CCDC6: variants seen among roughly 807,000 people sequenced by gnomAD.
CCDC6 encodes coiled-coil domain-containing protein 6.
In CCDC6, 20 loss-of-function variants were observed where a neutral mutation model predicts 56.6. The ratio of observed to expected loss-of-function variants is 0.35; its 90% CI spans 0.25 to 0.51. The LOEUF (loss-of-function observed/expected upper bound fraction) is 0.51, where lower values mean the gene tolerates loss of function less well. Among genes scored for constraint, CCDC6 ranks in the 20% least tolerant of loss-of-function variants. The pLI is 0.95. For missense variants in CCDC6, 367 were observed against 601.1 expected (o/e 0.61, Z 4.07); for synonymous variants, 241 against 234.4 (o/e 1.03, Z -0.26).
At chr10:59,838,925 C>T (rs1246614715) in intron 2 of CCDC6, among the ~76,000 whole-genome samples, 2 of 152,160 alleles carry the variant, frequency 1.3e-5, no homozygotes, top group Admixed American at 1.3e-4. Context: ...GTGCACTCAC[C>T]CTCCTTTAAG....
intron 1 of CCDC6, among the ~76,000 whole-genome samples, chr10:59,864,321 C>A (rs2132663929): frequency 6.6e-6 from 1 of 152,304 alleles, no homozygotes; most frequent in South Asian, 2.1e-4. Context: ...CTGCTAAGTC[C>A]CTAACTCCAG....
intron 3 of CCDC6, among the ~76,000 whole-genome samples, chr10:59,819,798 A>T (rs1455367329): frequency 6.6e-6 from 1 of 152,160 alleles, no homozygotes. Flanking sequence ...CTTACCAAAC[A>T]TCTAATTTTC....
chr10:59,806,926 C>T lies in CCDC6; in HGVS notation c.1000G>A (p.Glu334Lys). 6.2e-7 allele frequency: 1 copy of T among 1,613,552 alleles called. No individual in the cohort carries two copies. The highest frequency in any genetic ancestry group is 8.5e-7 in the Non-Finnish European group (1 of 1,179,788). ...ESESSLEMDD[E>K]RYFNEMSAQG... ...GCTCATAAGACATGCACACACCTTTCGTCGTCCATTTCTAAGCTGGACTCA... is the reference window on the plus strand; with the variant it reads ...GCTCATAAGACATGCACACACCTTTTGTCGTCCATTTCTAAGCTGGACTCA... The change falls in exon 6 of 9, where the codon GAA becomes AAA. Residue 334 changes from glutamate to lysine, a missense_variant. Glu to Lys is a moderately conservative substitution (Grantham distance 56). This residue lies in a region of CCDC6 where 81 missense variants were observed against 150.8 expected (regional missense o/e 0.54). Transcript: ENST00000263102.
At chr10:59,848,098 G>A (rs923031336) in intron 2 of CCDC6, among the ~76,000 whole-genome samples, 2 of 152,050 alleles carry the variant, frequency 1.3e-5, no homozygotes, top group Non-Finnish European at 2.9e-5. Flanking sequence ...TGTGCCCTGC[G>A]ATAGAATAGA....
At chr10:59,902,602 T>C (rs1341626052) in intron 1 of CCDC6, among the ~76,000 whole-genome samples, 2 of 152,080 alleles carry the variant, frequency 1.3e-5, no homozygotes, top group African/African-American at 2.4e-5. Flanking sequence ...TTTCACCATG[T>C]TGGCCAGGCT....
chr10:59,874,555 T>C (rs2071261670), intron 1 of CCDC6, among the ~76,000 whole-genome samples: 1 of 152,216 alleles, frequency 6.6e-6, no homozygotes, highest in Non-Finnish European at 1.5e-5. Context: ...TGCCTCAAGC[T>C]GTCTACATTT....
intron 2 of CCDC6, among the ~76,000 whole-genome samples, chr10:59,846,219 G>A (rs1056712642): frequency 6.6e-6 from 1 of 152,194 alleles, no homozygotes; most frequent in African/African-American, 2.4e-5. Flanking sequence ...CACTTCTCCA[G>A]AATTGACAGG....
chr10:59,791,169 G>A lies in CCDC6; in HGVS notation c.*1748C>T. 1 of 196,362 alleles carries A rather than the reference G, an allele frequency of 5.1e-6. No individual in the cohort carries two copies. Among genetic ancestry groups the A allele is most frequent in the Non-Finnish European group, 1.1e-5 (1 of 94,610 alleles). 12.2% of individuals were successfully genotyped at this position (196,362 alleles called of 1,614,324 possible). A position where few individuals can be genotyped will look rare whatever the true frequency, so the allele number is the denominator to read the frequency against. ...AATGCCAAACTTCTTCCCTGCATCT[G>A]AGAACTGTATTATGATTATGTATAT... On this transcript the variant is annotated 3_prime_UTR_variant, in exon 9 of 9. Coordinates refer to ENST00000263102, the MANE Select transcript of CCDC6 (RefSeq NM_005436.5).
At chr10:59,847,400 TG>T (rs2071002371) in intron 2 of CCDC6, among the ~76,000 whole-genome samples, 1 of 152,038 alleles carries the variant, frequency 6.6e-6, no homozygotes, top group African/African-American at 2.4e-5. Context: ...AGAGGACTAG[TG>T]GAGTGAATCA....
intron 1 of CCDC6, among the ~76,000 whole-genome samples, chr10:59,864,199 G>A (rs1205725316): frequency 1.3e-5 from 2 of 152,120 alleles, no homozygotes; most frequent in African/African-American, 4.8e-5. Flanking sequence ...CTTTAAGTAT[G>A]GAACCAGTTT....
intron 7 of CCDC6, among the ~76,000 whole-genome samples, chr10:59,795,219 T>G (rs2070503686): frequency 6.6e-6 from 1 of 152,116 alleles, no homozygotes; most frequent in Admixed American, 6.6e-5. Context: ...ATACCTGGTA[T>G]GGGGTGAATA....
In CCDC6 at chr10:59,832,513, A is replaced by C. The variant is rs1179742127; in HGVS notation, c.582+12T>G. ...GAAAATACAATGTAAAGGAAGAGCT[A>C]CAGGTGCTTACCTGTTCTAATGTAA... On this transcript the variant is annotated intron_variant, in intron 3 of 8. Transcript: ENST00000263102. 1 of 1,608,134 alleles carries C rather than the reference A, an allele frequency of 6.2e-7. No individual in the cohort carries two copies. Among genetic ancestry groups the C allele is most frequent in the Non-Finnish European group, 8.5e-7 (1 of 1,177,910 alleles).
intron 5 of CCDC6, among the ~76,000 whole-genome samples, chr10:59,807,546 T>G (rs1299074970): frequency 1.3e-5 from 2 of 152,208 alleles, no homozygotes; most frequent in Non-Finnish European, 2.9e-5. Context: ...AGATGAGATA[T>G]GGATTTAAAG....
chr10:59,852,140 T>C (rs529128722), intron 2 of CCDC6, among the ~76,000 whole-genome samples: 1 of 152,228 alleles, frequency 6.6e-6, no homozygotes, highest in East Asian at 1.9e-4. Flanking sequence ...TTCCTAAAGA[T>C]GTTTCACTTC....
chr10:59,863,739 A>G (rs1019580178), intron 1 of CCDC6, among the ~76,000 whole-genome samples: 2 of 152,250 alleles, frequency 1.3e-5, no homozygotes, highest in Admixed American at 6.5e-5. Context: ...CGCTTTTCAT[A>G]TATCAGAAAT....
At chr10:59,795,186 G>T (rs998424460) in intron 7 of CCDC6, among the ~76,000 whole-genome samples, 1 of 152,066 alleles carries the variant, frequency 6.6e-6, no homozygotes. Flanking sequence ...CCTATAGAAT[G>T]GGAGGAGATA....
In CCDC6 at chr10:59,889,277, C is replaced by T. The variant is rs930622727; in HGVS notation, c.303+16845G>A. Among the ~76,000 whole-genome samples, 4 of 152,180 alleles carry T rather than the reference C, an allele frequency of 2.6e-5. No homozygotes were observed. The East Asian group carries it at 5.8e-4, about 22-fold the overall frequency. On this transcript the variant is annotated intron_variant, in intron 1 of 8. Coordinates refer to ENST00000263102, the MANE Select transcript of CCDC6 (RefSeq NM_005436.5). ...ATGACAACAGGGACACGTGAGAAAG[C>T]ATTCTATGGGAGGGGCTTCTGAGGC...
At chr10:59,901,330 A>G (rs916613907) in intron 1 of CCDC6, among the ~76,000 whole-genome samples, 58 of 152,228 alleles carry the variant, frequency 3.8e-4, no homozygotes, top group Admixed American at 3.5e-3. Context: ...TATAAAGGCA[A>G]TATCGATTTG....
intron 1 of CCDC6, among the ~76,000 whole-genome samples, chr10:59,901,283 G>A (rs1357456515): frequency 1.3e-5 from 2 of 151,932 alleles, no homozygotes. Flanking sequence ...TTTTCTAAAC[G>A]GGGGGAAAAA....
Sources: gnomAD v4.1 joint callset for allele counts (sites outside exome capture counted in the v4.1 genomes callset) on GRCh38, gnomAD v4.1.1 for gene constraint, gnomAD v4.1.1 regional missense constraint, MANE v1.5 for transcripts, NCBI Gene and HGNC (gene_info 2026-07-23, HGNC 2026-07-21) for gene names.